ADAMTS6: variants seen among roughly 807,000 people sequenced by gnomAD.
The protein encoded by ADAMTS6 is ADAM metallopeptidase with thrombospondin type 1 motif 6.
In ADAMTS6, 23 loss-of-function variants were observed where a neutral mutation model predicts 144.3. That is an observed-to-expected ratio of 0.16 (90% CI 0.11 to 0.23). The LOEUF is 0.23. Ranked by LOEUF, ADAMTS6 falls within the 10% of genes least tolerant of loss-of-function variation. The pLI is 1.00. For missense variants in ADAMTS6, 999 were observed against 1,379.6 expected, an observed-to-expected ratio of 0.72 and a Z score of 4.37; for synonymous variants, 444 against 457.5, an observed-to-expected ratio of 0.97 and a Z score of 0.38.
intron 7 of ADAMTS6, among the ~76,000 whole-genome samples, chr5:65,448,848 C>A (rs763963197): frequency 9.2e-5 from 14 of 152,172 alleles, no homozygotes; most frequent in Admixed American, 2.6e-4. Flanking sequence ...AGTCAGGTCA[C>A]ACCCCGAACA....
At chr5:65,299,164 C>G in intron 10 of ADAMTS6, among the ~76,000 whole-genome samples, 1 of 152,150 alleles carries the variant, frequency 6.6e-6, no homozygotes, top group Middle Eastern at 3.4e-3. Context: ...ATAATATTTA[C>G]CATTTAAAGA....
chr5:65,438,212 G>T (rs538571637), intron 7 of ADAMTS6, among the ~76,000 whole-genome samples: 4 of 152,202 alleles, frequency 2.6e-5, no homozygotes, highest in African/African-American at 7.2e-5. Context: ...TTTACCAGAG[G>T]CTTCACCAAT....
chr5:65,426,367 G>C (rs1411856474), intron 7 of ADAMTS6, among the ~76,000 whole-genome samples: 1 of 151,900 alleles, frequency 6.6e-6, no homozygotes, highest in Non-Finnish European at 1.5e-5. Flanking sequence ...ACTAAGTTGT[G>C]CTTCTAAATT....
In ADAMTS6 at chr5:65,172,975, G is replaced by A. The variant is rs758828270; in HGVS notation, c.2944C>T (p.Arg982Trp). 4.3e-6 allele frequency: 7 copies of A among 1,613,896 alleles called. No individual in the cohort carries two copies. The highest frequency in any genetic ancestry group is 5.9e-6 in the Non-Finnish European group (7 of 1,179,938). Residue 982 changes from arginine (R) to tryptophan (W), a missense_variant, in exon 23 of 25, where the codon CGG (arginine) becomes TGG (tryptophan). Coordinates refer to ENST00000381055, the MANE Select transcript of ADAMTS6 (RefSeq NM_197941.4). ...TPKCGPGFKH[R>W]IVLCKSSDLS... ...TCACTGCTCTTGCACAGAACAATCCGATGCTTGAATCCTGGACCACATTTT... is the reference window on the plus strand; with the variant it reads ...TCACTGCTCTTGCACAGAACAATCCAATGCTTGAATCCTGGACCACATTTT...
chr5:65,317,373 C>T (rs1038253826), intron 9 of ADAMTS6, among the ~76,000 whole-genome samples: 2 of 152,132 alleles, frequency 1.3e-5, no homozygotes, highest in African/African-American at 4.8e-5. Flanking sequence ...GAAAGATACA[C>T]CCTATCTCTC....
intron 14 of ADAMTS6, among the ~76,000 whole-genome samples, chr5:65,258,216 T>A (rs1760862286): frequency 6.6e-6 from 1 of 152,096 alleles, no homozygotes; most frequent in African/African-American, 2.4e-5. Flanking sequence ...CAGAATGGTC[T>A]CATTGAAAAG....
Position 65,291,136 on chromosome 5 carries a change from C to T in ADAMTS6, c.1512+193G>A, listed in dbSNP as rs537261254. ...TCCCTCACAAGAAATCTGTAATGTG[C>T]TTAACTTAGGATTATTGAAACATTT... On this transcript the variant is annotated intron_variant, in intron 11 of 24. Transcript: ENST00000381055. 8.5e-5 allele frequency among the ~76,000 whole-genome samples: 13 copies of T among 152,192 alleles called. No homozygotes were observed. The South Asian group carries it at 2.5e-3, about 29-fold the overall frequency.
chr5:65,156,316 AC>A (rs891805982), intron 24 of ADAMTS6, among the ~76,000 whole-genome samples: 4 of 152,014 alleles, frequency 2.6e-5, no homozygotes, highest in Non-Finnish European at 4.4e-5. Flanking sequence ...ACACAAAAAA[AC>A]GAAAACAAAA....
intron 10 of ADAMTS6, among the ~76,000 whole-genome samples, chr5:65,295,274 C>T (rs1561390213): frequency 6.6e-6 from 1 of 151,946 alleles, no homozygotes; most frequent in Non-Finnish European, 1.5e-5. Flanking sequence ...ACCACAATTA[C>T]CTTTGTGCCA....
chr5:65,472,885 G>A (rs1012173931), intron 2 of ADAMTS6, among the ~76,000 whole-genome samples: 5 of 152,048 alleles, frequency 3.3e-5, no homozygotes, highest in African/African-American at 7.2e-5. Context: ...TGAAAATCTG[G>A]TTCATCGGCA....
chr5:65,474,760 G>C (rs1245011403), intron 1 of ADAMTS6, among the ~76,000 whole-genome samples: 1 of 79,102 alleles, frequency 1.3e-5, no homozygotes, highest in South Asian at 4.2e-4. Context: ...AAATAACTAA[G>C]AGCTAAAAAC....
chr5:65,372,822 C>A (rs958457233), intron 7 of ADAMTS6, among the ~76,000 whole-genome samples: 34 of 152,260 alleles, frequency 2.2e-4, no homozygotes, highest in African/African-American at 8.2e-4. Flanking sequence ...TAGCACCACA[C>A]CACACCTATT....
At position 65,307,097 on chromosome 5, in the gene ADAMTS6, T is replaced by C. The variant is rs546045423; in HGVS notation, c.1224-6966A>G. ...AAAATCCTTCTTTACCCTAAGGTCA[T>C]GGGGATTTACTTCCATATTATCTTC... is the stretch of plus-strand genomic sequence containing the variant. On this transcript the variant is annotated intron_variant, in intron 9 of 24. Transcript: ENST00000381055. 9.8e-5 allele frequency among the ~76,000 whole-genome samples: 15 copies of C among 152,334 alleles called. 1 individual carries two copies. The highest frequency in any genetic ancestry group is 8.5e-4 in the Admixed American group (13 of 15,298).
chr5:65,266,820 G>C (rs1010274507), intron 12 of ADAMTS6, among the ~76,000 whole-genome samples: 2 of 151,846 alleles, frequency 1.3e-5, no homozygotes, highest in African/African-American at 4.8e-5. Flanking sequence ...TATAAAAATG[G>C]ATCTCTTTAT....
intron 20 of ADAMTS6, among the ~76,000 whole-genome samples, chr5:65,212,548 A>G (rs1445657793): frequency 2.0e-5 from 3 of 148,388 alleles, no homozygotes; most frequent in Non-Finnish European, 3.0e-5. Context: ...ACAAAATTAT[A>G]TTTTTTTCTT....
intron 3 of ADAMTS6, among the ~76,000 whole-genome samples, chr5:65,469,228 T>G (rs1415039318): frequency 2.0e-5 from 3 of 152,236 alleles, no homozygotes; most frequent in Non-Finnish European, 4.4e-5. Flanking sequence ...TCATTCTGTC[T>G]TCTTTATTCT....
At chr5:65,308,850 G>A (rs1744202753) in intron 9 of ADAMTS6, among the ~76,000 whole-genome samples, 1 of 152,120 alleles carries the variant, frequency 6.6e-6, no homozygotes, top group African/African-American at 2.4e-5. Flanking sequence ...AAAGTAAAGA[G>A]TCAGAAAGGG....
At chr5:65,316,808 A>T (rs1325628191) in intron 9 of ADAMTS6, among the ~76,000 whole-genome samples, 3 of 149,338 alleles carry the variant, frequency 2.0e-5, no homozygotes, top group South Asian at 2.1e-4. Context: ...CATAATAATC[A>T]TTTTTTTTTT....
intron 7 of ADAMTS6, among the ~76,000 whole-genome samples, chr5:65,390,671 T>C (rs1752838394): frequency 6.6e-6 from 1 of 152,188 alleles, no homozygotes; most frequent in African/African-American, 2.4e-5. Context: ...ACAGAAATAA[T>C]AAATTAGGAT....
Sources: allele counts gnomAD v4.1 joint callset (sites outside exome capture counted in the v4.1 genomes callset), GRCh38; gene constraint gnomAD v4.1.1; transcripts MANE v1.5; gene names NCBI Gene and HGNC (gene_info 2026-07-23, HGNC 2026-07-21).